LDAF1: variants seen among roughly 807,000 people sequenced by gnomAD.
LDAF1 encodes the protein lipid droplet assembly factor 1.
Under a neutral mutation model 13.5 loss-of-function variants are expected in LDAF1, and 7 were observed. The observed-to-expected ratio is 0.52, with a 90% CI of 0.29 to 0.97. The LOEUF is 0.97. Among genes scored for constraint, LDAF1 ranks in the 50% least tolerant of loss-of-function variants. The pLI, the probability that LDAF1 is intolerant of heterozygous loss-of-function variation, is 0.07. For missense variants in LDAF1, 148 were observed against 193.2 expected (o/e 0.77, Z 1.39); for synonymous variants, 69 against 77.1 (o/e 0.89, Z 0.55).
intron 2 of LDAF1, 152 bp from the exon 3 acceptor site, chr16:21,170,285 G>A: frequency 1.3e-6 from 2 of 1,505,780 alleles, no homozygotes; most frequent in Non-Finnish European, 1.8e-6. Flanking sequence ...TTACAGACAT[G>A]AGCCACTGCA....
Position 21,161,256 on chromosome 16 carries a change from A to G in LDAF1, c.74A>G (p.Asp25Gly). 2 of 1,614,094 alleles carry G rather than the reference A, an allele frequency of 1.2e-6. No homozygotes were observed. The highest frequency in any genetic ancestry group is 2.2e-5 in the South Asian group (2 of 91,070). The change falls in exon 2 of 5, where the codon GAC becomes GGC. Residue 25 changes from aspartate (D) to glycine (G), a missense_variant. Transcript: ENST00000233047. ...CAGAAGAAGCTGTCTCTGCTGATAG[A>G]CTCCTTCCAGAATAACTCAAAGGTC... Reference protein sequence around the residue: ...ELQKKLSLLIDSFQNNSKVVA... With the variant: ...ELQKKLSLLIGSFQNNSKVVA...
At chr16:21,168,536 TA>T (rs1028469258) in intron 2 of LDAF1, among the ~76,000 whole-genome samples, 6 of 145,648 alleles carry the variant, frequency 4.1e-5, no homozygotes, top group East Asian at 2.0e-4. Context: ...AATATATAAA[TA>T]ATATAATACA....
At chr16:21,164,543 G>A (rs1253172247) in intron 2 of LDAF1, among the ~76,000 whole-genome samples, 1 of 152,218 alleles carries the variant, frequency 6.6e-6, no homozygotes, top group Admixed American at 6.5e-5. Context: ...GAGCCACCAT[G>A]CCCAGCTGCC....
At chr16:21,168,975 A>G (rs1481233479) in intron 2 of LDAF1, among the ~76,000 whole-genome samples, 1 of 129,240 alleles carries the variant, frequency 7.7e-6, no homozygotes. Context: ...ATATTATATT[A>G]TATATAATTA....
At chr16:21,164,592 G>T (rs779917293) in intron 2 of LDAF1, among the ~76,000 whole-genome samples, 1 of 152,186 alleles carries the variant, frequency 6.6e-6, no homozygotes, top group African/African-American at 2.4e-5. Flanking sequence ...CAGGCTCAGA[G>T]GTTTGTTATG....
In LDAF1 at chr16:21,174,118, C is replaced by T. The variant is rs1297243394; in HGVS notation, c.374C>T (p.Ser125Phe). ...GMMIASYVVV[S>F]SLISCWFSPR... The stretch of plus-strand genomic sequence containing the variant: ...ATGATAGCATCTTATGTAGTGGTCT[C>T]CAGCCTCATCAGCTGCTGGTTTTCT... The change falls in exon 4 of 5, where the codon TCC (serine) becomes TTC (phenylalanine). Residue 125 changes from serine to phenylalanine, a missense_variant. Transcript: ENST00000233047. The T allele has an allele frequency of 6.2e-7, 1 of 1,612,930 alleles. No individual in the cohort carries two copies. Among genetic ancestry groups the T allele is most frequent in the Admixed American group, 1.7e-5 (1 of 59,692 alleles).
At chr16:21,170,223 A>G (rs2093073233) in intron 2 of LDAF1, 1 of 805,540 alleles carries the variant, frequency 1.2e-6, no homozygotes, top group Non-Finnish European at 1.5e-6. Flanking sequence ...GGCTGGTCTC[A>G]AGCTCCCAAC....
In LDAF1 at chr16:21,158,760, G is replaced by A. The variant is rs373976308; in HGVS notation, c.-99+14G>A. ...GGTCAGGAGCAGGTGAGAGCTCGGA[G>A]CTTGGGGGTGGGGGTCCGGGTGCCC... On this transcript the variant is annotated intron_variant, in intron 1 of 4. Transcript: ENST00000233047. 38 of 154,840 alleles carry A rather than the reference G, an allele frequency of 2.5e-4. 1 individual carries two copies. The South Asian group carries it at 3.9e-3, about 16-fold the overall frequency. 9.6% of individuals were successfully genotyped at this position (154,840 alleles called of 1,614,324 possible).
At chr16:21,166,303 C>A (rs1421828553) in intron 2 of LDAF1, among the ~76,000 whole-genome samples, 5 of 151,958 alleles carry the variant, frequency 3.3e-5, no homozygotes, top group African/African-American at 4.8e-5. Context: ...AATTCTGATG[C>A]CAAATTTTCA....
rs1215245393 is a variant in LDAF1 at position 21,179,338 on chromosome 16, T to C, written c.405-137T>C. The C allele has an allele frequency of 7.7e-6, 12 of 1,551,346 alleles. No individual in the cohort carries two copies. The African/African-American group carries it at 1.2e-4, about 16-fold the overall frequency. ...GCCCTCAGTTTCTTCATCTGTATAA[T>C]GGACATAGGCCTGGTGTGGTTGCAA... On this transcript the variant is annotated intron_variant, in intron 4 of 4. Transcript: ENST00000233047.
At chr16:21,170,252 C>G (rs1174934882) in intron 2 of LDAF1, 185 bp from the exon 3 acceptor site, 11 of 971,228 alleles carry the variant, frequency 1.1e-5, no homozygotes, top group Non-Finnish European at 1.1e-5. Flanking sequence ...ATCCGCTCGC[C>G]TTGGCCTCCC....
chr16:21,180,365 T>C lies in LDAF1; in HGVS notation c.*809T>C, dbSNP rs1467784928. The C allele has an allele frequency of 6.6e-6, 1 of 151,514 alleles. No individual in the cohort carries two copies. The highest frequency in any genetic ancestry group is 1.5e-5 in the Non-Finnish European group (1 of 68,004). The allele number at this position is 151,514 out of a possible 1,614,324, so 9.4% of individuals were successfully genotyped here. A position where few individuals can be genotyped will look rare whatever the true frequency, so the allele number is the denominator to read the frequency against. ...CTCGTGCCTCAGCCTCCCAAGTAGC[T>C]GGGATTACAGGCACCCGCCACCGTG... On this transcript the variant is annotated 3_prime_UTR_variant, in exon 5 of 5. Coordinates refer to ENST00000233047, the MANE Select transcript of LDAF1 (RefSeq NM_001301771.2).
intron 2 of LDAF1, among the ~76,000 whole-genome samples, chr16:21,165,840 GAAAC>G (rs35580737): frequency 0.45 from 68,479 of 151,406 alleles, 15,726 homozygotes; most frequent in East Asian, 0.68. Context: ...AAAACAAAAA[GAAAC>G]AAATGAGATT....
Position 21,159,279 on chromosome 16 carries a change from C to T in LDAF1, c.-99+533C>T, listed in dbSNP as rs749935933. The T allele has an allele frequency of 2.6e-6, 4 of 1,527,432 alleles. No homozygotes were observed. The South Asian group carries it at 4.5e-5, about 17-fold the overall frequency. The allele number at this position is 1,527,432 out of a possible 1,614,324, so 94.6% of individuals were successfully genotyped here. On this transcript the variant is annotated intron_variant, in intron 1 of 4. Transcript: ENST00000233047. The stretch of plus-strand genomic sequence containing the variant: ...AGTACTCGACTCCCCTCTGAGTTCC[C>T]ATTATTCAGTCTCTGTGCCTTCTGG...
rs1210875161 is a variant in LDAF1 at position 21,174,068 on chromosome 16, C to T, written c.324C>T (p.Phe108=). 13 of 1,613,914 alleles carry T rather than the reference C, an allele frequency of 8.1e-6. No individual in the cohort carries two copies. Among genetic ancestry groups the T allele is most frequent in the African/African-American group, 2.7e-5 (2 of 74,892 alleles). Residue 108 remains phenylalanine, a synonymous_variant, in exon 4 of 5, where the codon TTC becomes TTT. Coordinates refer to ENST00000233047, the MANE Select transcript of LDAF1 (RefSeq NM_001301771.2). ...TCTGCATCCTCTGTGGTTTGGGCTT[C>T]GTATCACTCGCCATGTCGGGGATGA... ...SLLCILCGLG[F]VSLAMSGMMI...
At chr16:21,160,750 T>C (rs991615382) in intron 1 of LDAF1, among the ~76,000 whole-genome samples, 2 of 152,202 alleles carry the variant, frequency 1.3e-5, no homozygotes, top group Non-Finnish European at 2.9e-5. Flanking sequence ...AGTCACACTA[T>C]CATTTTAATG....
At position 21,168,792 on chromosome 16, in the gene LDAF1, A is replaced by G. The variant is rs1313127424; in HGVS notation, c.97-1645A>G. On this transcript the variant is annotated intron_variant, in intron 2 of 4. Coordinates refer to ENST00000233047, the MANE Select transcript of LDAF1 (RefSeq NM_001301771.2). ...TATTTTTATATTTATATTTTTATAAATATAATTATATTTTTATATAAAATT... is the reference window on the plus strand; with the variant it reads ...TATTTTTATATTTATATTTTTATAAGTATAATTATATTTTTATATAAAATT... Among the ~76,000 whole-genome samples the G allele has an allele frequency of 6.8e-5, 9 of 131,424 alleles. No individual in the cohort carries two copies. The East Asian group carries it at 1.0e-3, about 15-fold the overall frequency. The allele number at this position is 131,424 out of a possible 152,430, so 86.2% of individuals were successfully genotyped here.
intron 2 of LDAF1, 22 bp downstream of exon 2, chr16:21,161,300 A>G (rs1273373104): frequency 2.5e-6 from 4 of 1,610,156 alleles, no homozygotes; most frequent in East Asian, 2.2e-5. Flanking sequence ...ATCACTATGT[A>G]TAATGGAAAA....
At chr16:21,166,637 G>A (rs1290240536) in intron 2 of LDAF1, among the ~76,000 whole-genome samples, 1 of 152,204 alleles carries the variant, frequency 6.6e-6, no homozygotes, top group African/African-American at 2.4e-5. Flanking sequence ...CGGGTGTACT[G>A]CTGCCTCCCT....
Sources: allele counts gnomAD v4.1 joint callset (sites outside exome capture counted in the v4.1 genomes callset), GRCh38; gene constraint gnomAD v4.1.1; transcripts MANE v1.5; gene names NCBI Gene and HGNC (gene_info 2026-07-23, HGNC 2026-07-21).